BOC: variants seen among roughly 807,000 people sequenced by gnomAD.
The protein encoded by BOC is BOC cell adhesion associated, oncogene regulated, also known as brother of CDO.
A neutral mutation model predicts 112.0 loss-of-function variants in BOC; 76 were observed. The observed-to-expected ratio is 0.68, with a 90% CI of 0.56 to 0.82. The LOEUF (loss-of-function observed/expected upper bound fraction) is 0.82, where lower values mean the gene tolerates loss of function less well. BOC is among the 40% of genes least tolerant of loss of function. The pLI is 0.00. For synonymous variants in BOC, 580 were observed against 599.8 expected (o/e 0.97, Z 0.48); for missense variants, 1,309 against 1,511.7 (o/e 0.87, Z 2.22).
At chr3:113,241,046 G>A (rs1944225014) in intron 2 of BOC, among the ~76,000 whole-genome samples, 1 of 152,220 alleles carries the variant, frequency 6.6e-6, no homozygotes, top group African/African-American at 2.4e-5. Context: ...CTCTGCCCCT[G>A]TAGGGGTTTA....
In BOC at chr3:113,273,147, G is replaced by A. The variant is rs1436220857; in HGVS notation, c.1040G>A (p.Arg347His). 2.2e-5 allele frequency: 35 copies of A among 1,613,848 alleles called. No homozygotes were observed. The highest frequency in any genetic ancestry group is 8.9e-5 in the East Asian group (4 of 44,876). Residue 347 changes from arginine (R) to histidine (H), a missense_variant, in exon 8 of 20, where the codon CGT becomes CAT. Physicochemically the swap from Arg to His is conservative, Grantham distance 29. Coordinates refer to ENST00000682979, the MANE Select transcript of BOC (RefSeq NM_001378074.1). ...AGTGCCAAGCTTACCTGTGAGGTGC[G>A]TGGGAACCCCCCGCCCTCCGTGCTG... is the stretch of plus-strand genomic sequence containing the variant. ...GQSAKLTCEVRGNPPPSVLWL... is the reference protein window; with the variant it reads ...GQSAKLTCEVHGNPPPSVLWL...
chr3:113,277,012 C>T (rs1439197643), intron 9 of BOC, among the ~76,000 whole-genome samples: 1 of 152,228 alleles, frequency 6.6e-6, no homozygotes, highest in African/African-American at 2.4e-5. Flanking sequence ...CTCAGCATCA[C>T]CTGTTGGGGA....
chr3:113,287,108 C>T lies in BOC; in HGVS notation c.*246C>T. The T allele has an allele frequency of 1.9e-6, 1 of 517,044 alleles. No individual in the cohort carries two copies. The highest frequency in any genetic ancestry group is 3.7e-6 in the Non-Finnish European group (1 of 270,594). The allele number at this position is 517,044 out of a possible 1,614,324, so 32.0% of individuals were successfully genotyped here. ...AGGAGTCACCCAGGAAAGCACCGCACAGGCTGGCGCGGGACAGACTCCTAA... is the reference window on the plus strand; with the variant it reads ...AGGAGTCACCCAGGAAAGCACCGCATAGGCTGGCGCGGGACAGACTCCTAA... On this transcript the variant is annotated 3_prime_UTR_variant, in exon 20 of 20. Transcript: ENST00000682979.
chr3:113,279,008 CTG>C, intron 11 of BOC: 1 of 635,362 alleles, frequency 1.6e-6, no homozygotes, highest in Non-Finnish European at 2.7e-6. Flanking sequence ...GAGGCCAGAG[CTG>C]TGGTCCTTGG....
At chr3:113,225,732 T>A (rs1260016523) in intron 2 of BOC, among the ~76,000 whole-genome samples, 1 of 152,224 alleles carries the variant, frequency 6.6e-6, no homozygotes, top group African/African-American at 2.4e-5. Context: ...TAGCCTTGCT[T>A]TTGTTAATTA....
chr3:113,223,544 A>T (rs1941118206), intron 2 of BOC, among the ~76,000 whole-genome samples: 1 of 152,216 alleles, frequency 6.6e-6, no homozygotes, highest in Non-Finnish European at 1.5e-5. Flanking sequence ...TATATCCACC[A>T]TGAAAGAATC....
rs113472914 is a variant in BOC, at chr3:113,267,389, T to G, written c.377-910T>G. Among the ~76,000 whole-genome samples the G allele has an allele frequency of 9.0e-3, 1,372 of 152,320 alleles. 22 individuals carry two copies. The highest frequency in any genetic ancestry group is 0.031 in the African/African-American group (1,278 of 41,568). ...TGCTTTTATTCTAGATGAATCTCCATGCTCTCCCAGTTTAGATCCCATGGT... is the reference window on the plus strand; with the variant it reads ...TGCTTTTATTCTAGATGAATCTCCAGGCTCTCCCAGTTTAGATCCCATGGT... On this transcript the variant is annotated intron_variant, in intron 4 of 19. Transcript: ENST00000682979.
intron 4 of BOC, among the ~76,000 whole-genome samples, chr3:113,252,441 C>T (rs958308036): frequency 2.0e-5 from 3 of 152,104 alleles, no homozygotes; most frequent in Non-Finnish European, 4.4e-5. Flanking sequence ...CCTAAGGCAG[C>T]GAACTTTTGA....
At chr3:113,221,268 C>G (rs1025013237) in intron 2 of BOC, among the ~76,000 whole-genome samples, 1 of 152,178 alleles carries the variant, frequency 6.6e-6, no homozygotes, top group Non-Finnish European at 1.5e-5. Flanking sequence ...AGGAGGGTTG[C>G]TGGTAGGATT....
chr3:113,220,515 C>T (rs1356449241), intron 2 of BOC, among the ~76,000 whole-genome samples: 1 of 152,158 alleles, frequency 6.6e-6, no homozygotes, highest in East Asian at 1.9e-4. Context: ...GAGAGGCGTT[C>T]CTCTAAACGT....
At chr3:113,244,907 C>T (rs1381727895) in intron 2 of BOC, among the ~76,000 whole-genome samples, 1 of 152,098 alleles carries the variant, frequency 6.6e-6, no homozygotes, top group African/African-American at 2.4e-5. Context: ...GCTCCAGAAA[C>T]AATTTGCTAG....
intron 12 of BOC, 131 bp from the exon 13 acceptor site, chr3:113,279,693 G>T: frequency 2.0e-6 from 2 of 993,566 alleles, no homozygotes; most frequent in Admixed American, 2.7e-5. Flanking sequence ...GTGTTCTTGT[G>T]AGGCCTTTGA....
intron 6 of BOC, 25 bp from the exon 7 acceptor site, chr3:113,272,385 G>T: frequency 6.2e-7 from 1 of 1,608,592 alleles, no homozygotes. Context: ...CACGCCTTCT[G>T]TCCTTGCCCT....
At chr3:113,266,034 C>A (rs999967963) in intron 4 of BOC, among the ~76,000 whole-genome samples, 5 of 151,804 alleles carry the variant, frequency 3.3e-5, no homozygotes, top group Non-Finnish European at 5.9e-5. Context: ...ATATCACACA[C>A]AAAACATTAA....
At chr3:113,277,982 C>T (rs756348867) in intron 9 of BOC, 113 bp from the exon 10 acceptor site, 34 of 1,378,146 alleles carry the variant, frequency 2.5e-5, no homozygotes, top group African/African-American at 1.0e-4. Flanking sequence ...CCTGGCTTAT[C>T]GTCCTTCCCC....
intron 1 of BOC, among the ~76,000 whole-genome samples, chr3:113,213,440 A>G (rs963984168): frequency 1.3e-5 from 2 of 152,254 alleles, no homozygotes; most frequent in African/African-American, 2.4e-5. Context: ...TTAAACAGGC[A>G]GCCCAGCTCT....
chr3:113,249,118 G>T (rs1418671636), intron 2 of BOC, among the ~76,000 whole-genome samples: 1 of 152,110 alleles, frequency 6.6e-6, no homozygotes, highest in Non-Finnish European at 1.5e-5. Flanking sequence ...AGGAATAAAA[G>T]GGAGTTTTCA....
intron 4 of BOC, among the ~76,000 whole-genome samples, chr3:113,252,313 C>A (rs544566525): frequency 6.6e-6 from 1 of 152,326 alleles, no homozygotes; most frequent in African/African-American, 2.4e-5. Flanking sequence ...GACTCAGCAG[C>A]ACCCCGTTAT....
At chr3:113,276,052 T>C (rs1309082033) in intron 9 of BOC, among the ~76,000 whole-genome samples, 1 of 152,228 alleles carries the variant, frequency 6.6e-6, no homozygotes, top group African/African-American at 2.4e-5. Flanking sequence ...AAAAGCAGCA[T>C]TGTTCACATG....
Sources: allele counts gnomAD v4.1 joint callset (sites outside exome capture counted in the v4.1 genomes callset), GRCh38; gene constraint gnomAD v4.1.1; transcripts MANE v1.5; gene names NCBI Gene and HGNC (gene_info 2026-07-23, HGNC 2026-07-21).